RNMT: variants seen among roughly 807,000 people sequenced by gnomAD.
RNMT encodes the protein mRNA cap guanine-N(7) methyltransferase.
RNMT carries 27 observed loss-of-function variants against 56.0 expected under a neutral mutation model. The observed-to-expected ratio is 0.48, with a 90% CI of 0.36 to 0.67. The LOEUF (loss-of-function observed/expected upper bound fraction) is 0.67, where lower values mean the gene tolerates loss of function less well. Among genes scored for constraint, RNMT ranks in the 30% least tolerant of loss-of-function variants. The probability of loss-of-function intolerance (pLI) is 0.00; values close to 1 mark genes in which losing one functional copy is unlikely to be tolerated. For missense variants in RNMT, 519 were observed against 552.1 expected (o/e 0.94, Z 0.60); for synonymous variants, 184 against 176.2 (o/e 1.04, Z -0.35).
rs1426867627 is a variant in RNMT, at chr18:13,761,077, G to C, written c.*1098G>C. 1.0e-6 allele frequency: 1 copy of C among 984,964 alleles called. No individual in the cohort carries two copies. The highest frequency in any genetic ancestry group is 1.2e-6 in the Non-Finnish European group (1 of 829,644). 61.0% of individuals were successfully genotyped at this position (984,964 alleles called of 1,614,324 possible). A position where few individuals can be genotyped will look rare whatever the true frequency, so the allele number is the denominator to read the frequency against. On this transcript the variant is annotated 3_prime_UTR_variant, in exon 12 of 12. Transcript: ENST00000383314. Reference sequence around the variant, plus strand: ...TGAGTATTCTTTTTTAAATTATTAAGCCATGATTTACAAAAACATTACTTT... The same window carrying C: ...TGAGTATTCTTTTTTAAATTATTAACCCATGATTTACAAAAACATTACTTT...
chr18:13,733,940 C>G (rs1373122501), intron 3 of RNMT, among the ~76,000 whole-genome samples: 1 of 152,148 alleles, frequency 6.6e-6, no homozygotes, highest in Non-Finnish European at 1.5e-5. Flanking sequence ...TTGGGTGTGT[C>G]CCTACCCAGA....
chr18:13,733,323 A>G (rs1163197825), intron 3 of RNMT, among the ~76,000 whole-genome samples: 1 of 152,216 alleles, frequency 6.6e-6, no homozygotes, highest in Non-Finnish European at 1.5e-5. Flanking sequence ...TACATGTAAC[A>G]TATATAATAG....
At position 13,760,683 on chromosome 18, in the gene RNMT, G is replaced by A. The variant is rs2044608472; in HGVS notation, c.*704G>A. The A allele has an allele frequency of 1.0e-6, 1 of 985,274 alleles. No homozygotes were observed. The highest frequency in any genetic ancestry group is 1.2e-6 in the Non-Finnish European group (1 of 829,818). 61.0% of individuals were successfully genotyped at this position (985,274 alleles called of 1,614,324 possible). On this transcript the variant is annotated 3_prime_UTR_variant, in exon 12 of 12. Transcript: ENST00000383314. Reference sequence around the variant, plus strand: ...TTTCCAGTTATCAAGATTGTGATTAGACACATTTACCTTTCTTCATTGAAC... The same window carrying A: ...TTTCCAGTTATCAAGATTGTGATTAAACACATTTACCTTTCTTCATTGAAC...
chr18:13,730,307 A>C (rs188404120), intron 1 of RNMT: 1 of 152,194 alleles, frequency 6.6e-6, no homozygotes, highest in South Asian at 2.1e-4. Flanking sequence ...ATGGTCATCA[A>C]ACTGCAGGCT....
chr18:13,731,962 A>G (rs2149082511), intron 3 of RNMT, 28 bp downstream of exon 3: 3 of 1,526,432 alleles, frequency 2.0e-6, no homozygotes, highest in Non-Finnish European at 2.6e-6. Flanking sequence ...TCATTTATTC[A>G]TAATAGAATA....
intron 8 of RNMT, among the ~76,000 whole-genome samples, chr18:13,743,348 ATAAAT>A (rs2044290030): frequency 6.7e-6 from 1 of 149,300 alleles, no homozygotes; most frequent in African/African-American, 2.5e-5. Flanking sequence ...AAATAAATAA[ATAAAT>A]AAATAAATAA....
chr18:13,737,179 T>C (rs2044174255), intron 5 of RNMT, 44 bp downstream of exon 5: 5 of 1,501,056 alleles, frequency 3.3e-6, no homozygotes, highest in Non-Finnish European at 4.6e-6. Flanking sequence ...TGTAGTCAGA[T>C]AAATGGAAAA....
chr18:13,758,691 T>A (rs1291955216), intron 11 of RNMT, among the ~76,000 whole-genome samples: 2 of 152,228 alleles, frequency 1.3e-5, no homozygotes, highest in African/African-American at 2.4e-5. Context: ...CTTATTCCAG[T>A]GTGTTCATTG....
intron 8 of RNMT, among the ~76,000 whole-genome samples, chr18:13,743,561 G>A (rs922561415): frequency 6.6e-6 from 1 of 151,944 alleles, no homozygotes; most frequent in African/African-American, 2.4e-5. Context: ...GGGGTAACTG[G>A]GCCTTACCAG....
intron 1 of RNMT, among the ~76,000 whole-genome samples, chr18:13,729,182 G>GT (rs988188249): frequency 3.9e-5 from 6 of 152,138 alleles, no homozygotes; most frequent in Admixed American, 2.0e-4. Context: ...TCCCAGCACC[G>GT]TTTTTTGAAG....
At chr18:13,736,273 TA>T in intron 4 of RNMT, among the ~76,000 whole-genome samples, 1 of 152,316 alleles carries the variant, frequency 6.6e-6, no homozygotes, top group East Asian at 1.9e-4. Context: ...AGCTCAGTGA[TA>T]AAGACAAGGA....
intron 10 of RNMT, among the ~76,000 whole-genome samples, chr18:13,753,424 C>T (rs1469826090): frequency 6.6e-6 from 1 of 151,158 alleles, no homozygotes; most frequent in African/African-American, 2.4e-5. Context: ...GAGATCGCAG[C>T]ACTGCACTCC....
Position 13,737,112 on chromosome 18 carries a change from GA to G in RNMT, c.658del (p.Ile220LeufsTer4). ...GATTTGCTGAAATGGAAAAAAGGAAGAATTAACAAGCTAGTTTGTACTGGTA... is the reference window on the plus strand; with the variant it reads ...GATTTGCTGAAATGGAAAAAAGGAAGATTAACAAGCTAGTTTGTACTGGTA... Reference protein sequence around the residue: ...GGDLLKWKKGRINKLVCTDIA... With the variant: ...GGDLLKWKKGXINKLVCTDIA... On this transcript the variant is annotated frameshift_variant, in exon 5 of 12. Coordinates refer to ENST00000383314, the MANE Select transcript of RNMT (RefSeq NM_003799.3). LOFTEE classifies it high-confidence loss of function. 1.9e-6 allele frequency: 3 copies of G among 1,610,376 alleles called. No individual in the cohort carries two copies. Among genetic ancestry groups the G allele is most frequent in the Non-Finnish European group, 2.5e-6 (3 of 1,177,074 alleles).
chr18:13,737,104 A>T lies in RNMT; in HGVS notation c.648A>T (p.Lys216Asn). The stretch of plus-strand genomic sequence containing the variant: ...AAGGTGGAGATTTGCTGAAATGGAA[A>T]AAAGGAAGAATTAACAAGCTAGTTT... Reference protein sequence around the residue: ...CGKGGDLLKWKKGRINKLVCT... With the variant: ...CGKGGDLLKWNKGRINKLVCT... The change falls in exon 5 of 12, where the codon AAA becomes AAT. Residue 216 changes from lysine (K) to asparagine (N), a missense_variant. Transcript: ENST00000383314. 1 of 1,611,920 alleles carries T rather than the reference A, an allele frequency of 6.2e-7. No homozygotes were observed. The highest frequency in any genetic ancestry group is 8.5e-7 in the Non-Finnish European group (1 of 1,178,268).
intron 1 of RNMT, among the ~76,000 whole-genome samples, chr18:13,728,526 G>A (rs530810721): frequency 5.3e-5 from 8 of 151,736 alleles, no homozygotes; most frequent in African/African-American, 1.9e-4. Flanking sequence ...GGTAGAGACG[G>A]GGTTTCACTA....
At chr18:13,756,115 C>G (rs534295857) in intron 11 of RNMT, among the ~76,000 whole-genome samples, 40 of 152,184 alleles carry the variant, frequency 2.6e-4, no homozygotes, top group Non-Finnish European at 4.7e-4. Flanking sequence ...TTCTACTGGT[C>G]TGATCATTAA....
intron 11 of RNMT, among the ~76,000 whole-genome samples, chr18:13,756,605 T>C (rs8094613): frequency 0.89 from 135,546 of 152,258 alleles, 60,412 homozygotes; most frequent in East Asian, 0.97. Context: ...ACACCCTGCC[T>C]GTTTTCTGTC....
intron 5 of RNMT, 149 bp from the exon 6 acceptor site, chr18:13,740,018 A>C: frequency 1.6e-6 from 1 of 621,292 alleles, no homozygotes; most frequent in Non-Finnish European, 2.8e-6. Flanking sequence ...TTGCGTCGGA[A>C]CAAAGCCCTT....
intron 9 of RNMT, among the ~76,000 whole-genome samples, chr18:13,749,864 A>G (rs2044412037): frequency 7.4e-6 from 1 of 135,974 alleles, no homozygotes; most frequent in Non-Finnish European, 1.6e-5. Flanking sequence ...GGCCTAAGTG[A>G]TCCTTTCACC....
Sources: allele counts gnomAD v4.1 joint callset (sites outside exome capture counted in the v4.1 genomes callset), GRCh38; gene constraint gnomAD v4.1.1; transcripts MANE v1.5; gene names NCBI Gene and HGNC (gene_info 2026-07-23, HGNC 2026-07-21).